The following UBE2G2 variants were observed in gnomAD, a reference collection of about 807,000 sequenced individuals.
UBE2G2 encodes the protein ubiquitin conjugating enzyme E2 G2, also known as ubiquitin-conjugating enzyme E2 G2.
A neutral mutation model predicts 23.0 loss-of-function variants in UBE2G2; 10 were observed. That is an observed-to-expected ratio of 0.43 (90% CI 0.27 to 0.74). UBE2G2 has a LOEUF of 0.74. Among genes scored for constraint, UBE2G2 ranks in the 30% least tolerant of loss-of-function variants. The probability of loss-of-function intolerance (pLI) is 0.19; values close to 1 mark genes in which losing one functional copy is unlikely to be tolerated. For missense variants in UBE2G2, 150 were observed against 218.3 expected, an observed-to-expected ratio of 0.69 and a Z score of 1.97; for synonymous variants, 86 against 81.3, an observed-to-expected ratio of 1.06 and a Z score of -0.31.
Position 44,777,359 on chromosome 21 carries a change from G to C in UBE2G2, c.184C>G (p.Leu62Val). 1.2e-6 allele frequency: 2 copies of C among 1,614,084 alleles called. No individual in the cohort carries two copies. The highest frequency in any genetic ancestry group is 1.7e-6 in the Non-Finnish European group (2 of 1,180,028). ...GVFPAILSFP[L>V]DYPLSPPKMR... ...TTTGGGGGACTTAACGGGTAATCAA[G>C]TGGGAAACTCAGGATGGCAGGAAAA... is the stretch of plus-strand genomic sequence containing the variant. Residue 62 changes from leucine (L) to valine (V), a missense_variant, in exon 4 of 6, where the codon CTT (leucine) becomes GTT (valine). Coordinates refer to ENST00000345496, the MANE Select transcript of UBE2G2 (RefSeq NM_003343.6).
chr21:44,784,918 C>A (rs541116779), intron 3 of UBE2G2, among the ~76,000 whole-genome samples: 28 of 152,162 alleles, frequency 1.8e-4, no homozygotes, highest in African/African-American at 6.8e-4. Context: ...GGACAGCAAG[C>A]GCCAAGGGAC....
At chr21:44,789,829 T>C (rs2083029767) in intron 1 of UBE2G2, among the ~76,000 whole-genome samples, 1 of 151,964 alleles carries the variant, frequency 6.6e-6, no homozygotes, top group Non-Finnish European at 1.5e-5. Flanking sequence ...TGGGAGGAGA[T>C]TAGGTCAGGA....
chr21:44,771,392 C>T lies in UBE2G2; in HGVS notation c.483G>A (p.Lys161=). The change falls in exon 6 of 6, where the codon AAG becomes AAA. Residue 161 remains lysine, a synonymous_variant. Transcript: ENST00000345496. The surrounding 1 kb of genome is among the most constrained non-coding windows in gnomAD (Gnocchi z 4.6). ...FYKIAKQIVQ[K]SLGL is the part of the protein sequence containing the mutation. ...AGGCCAGGTCTCACAGTCCCAGAGA[C>T]TTCTGGACGATCTGCTTGGCAATCT... The T allele has an allele frequency of 1.9e-6, 3 of 1,612,966 alleles. No individual in the cohort carries two copies. Among genetic ancestry groups the T allele is most frequent in the Non-Finnish European group, 2.5e-6 (3 of 1,180,026 alleles).
At chr21:44,797,274 G>A (rs1238533063) in intron 1 of UBE2G2, among the ~76,000 whole-genome samples, 2 of 152,226 alleles carry the variant, frequency 1.3e-5, no homozygotes, top group Non-Finnish European at 2.9e-5. Flanking sequence ...AATAACAGAT[G>A]AAGCTTCTGT....
intron 1 of UBE2G2, among the ~76,000 whole-genome samples, chr21:44,799,481 C>A (rs1362477155): frequency 1.3e-5 from 2 of 152,230 alleles, no homozygotes; most frequent in Non-Finnish European, 2.9e-5. Flanking sequence ...TTGTGCTTTT[C>A]TGTTATGGAG....
At position 44,771,240 on chromosome 21, in the gene UBE2G2, G is replaced by GA. The variant is rs552259450; in HGVS notation, c.*136dup. 47,113 of 539,358 alleles carry GA rather than the reference G, an allele frequency of 0.087. 54 individuals carry two copies. The highest frequency in any genetic ancestry group is 0.11 in the South Asian group (4,376 of 39,012). 33.4% of individuals were successfully genotyped at this position (539,358 alleles called of 1,614,324 possible). ...AGCCTGTTTGAAGTAGGAAAGGTTTGAAAAAAAAAAAAGATGCCATGGTTC... is the reference window on the plus strand; with the variant it reads ...AGCCTGTTTGAAGTAGGAAAGGTTTGAAAAAAAAAAAAAGATGCCATGGTTC... On this transcript the variant is annotated 3_prime_UTR_variant, in exon 6 of 6. Coordinates refer to ENST00000345496, the MANE Select transcript of UBE2G2 (RefSeq NM_003343.6). This position sits in a 1 kb window ranked among gnomAD's most constrained non-coding sequence, Gnocchi z 4.6.
At chr21:44,796,261 C>A (rs1414422519) in intron 1 of UBE2G2, among the ~76,000 whole-genome samples, 1 of 152,208 alleles carries the variant, frequency 6.6e-6, no homozygotes, top group African/African-American at 2.4e-5. Flanking sequence ...TAGGCAAAAT[C>A]ATCTTGTCTG....
intron 3 of UBE2G2, among the ~76,000 whole-genome samples, chr21:44,784,317 CAGGATGAA>C (rs1555961693): frequency 1.3e-5 from 2 of 152,124 alleles, no homozygotes; most frequent in Admixed American, 6.5e-5. Flanking sequence ...CTTTCCATGC[CAGGATGAA>C]AATTCCACCT....
intron 1 of UBE2G2, among the ~76,000 whole-genome samples, chr21:44,788,844 TCTTTGAAGAGA>T (rs782023685): frequency 6.6e-5 from 10 of 151,440 alleles, no homozygotes; most frequent in Non-Finnish European, 1.3e-4. Flanking sequence ...AAAAGGTGGT[TCTTTGAAGAGA>T]CAGAAAATTA....
At chr21:44,794,094 C>G (rs1555963318) in intron 1 of UBE2G2, among the ~76,000 whole-genome samples, 1 of 152,188 alleles carries the variant, frequency 6.6e-6, no homozygotes, top group African/African-American at 2.4e-5. Flanking sequence ...TTAATCCAAT[C>G]TGACTAATAT....
Position 44,788,491 on chromosome 21 carries a change from G to A in UBE2G2, c.44-396C>T, listed in dbSNP as rs566173484. 2.2e-4 allele frequency among the ~76,000 whole-genome samples: 34 copies of A among 151,882 alleles called. 1 individual carries two copies. In the South Asian group the frequency reaches 6.2e-3, roughly 28 times the overall value. ...TTTTTAGTAGAGACGGGGTTTCACC[G>A]TGTTAGCCAGGATGGTCTAGATCTC... is the stretch of plus-strand genomic sequence containing the variant. On this transcript the variant is annotated intron_variant, in intron 1 of 5. Transcript: ENST00000345496.
intron 5 of UBE2G2, among the ~76,000 whole-genome samples, chr21:44,773,129 C>T (rs1555960136): frequency 6.6e-6 from 1 of 152,172 alleles, no homozygotes; most frequent in Non-Finnish European, 1.5e-5. Flanking sequence ...GCCCGAGAGT[C>T]CCTGCATGTG....
chr21:44,777,948 G>A (rs1223212275), intron 3 of UBE2G2, among the ~76,000 whole-genome samples: 3 of 152,192 alleles, frequency 2.0e-5, no homozygotes, highest in Non-Finnish European at 4.4e-5. Flanking sequence ...TTAGGTACAA[G>A]TACAAAGACT....
chr21:44,793,827 G>A (rs1267658288), intron 1 of UBE2G2, among the ~76,000 whole-genome samples: 3 of 152,154 alleles, frequency 2.0e-5, no homozygotes, highest in East Asian at 1.9e-4. Flanking sequence ...GATAAAAAAT[G>A]TATACACAGG....
chr21:44,773,744 C>A (rs905651912), intron 4 of UBE2G2, 57 bp from the exon 5 acceptor site: 2 of 1,585,304 alleles, frequency 1.3e-6, no homozygotes, highest in Non-Finnish European at 1.7e-6. Flanking sequence ...GGCATCGCCG[C>A]GCTTGGGCAG....
At chr21:44,782,547 A>G (rs2146392185) in intron 3 of UBE2G2, among the ~76,000 whole-genome samples, 1 of 152,376 alleles carries the variant, frequency 6.6e-6, no homozygotes, top group Admixed American at 6.5e-5. Flanking sequence ...ACTTACCATG[A>G]AGCTCCAGTA....
chr21:44,780,899 G>T (rs1555961254), intron 3 of UBE2G2, among the ~76,000 whole-genome samples: 1 of 152,190 alleles, frequency 6.6e-6, no homozygotes, highest in Non-Finnish European at 1.5e-5. Flanking sequence ...TTACTTTCTA[G>T]ATAAGAGAAG....
rs1349013092 is a variant in UBE2G2 at position 44,771,824 on chromosome 21, C to T, written c.386-335G>A. On this transcript the variant is annotated intron_variant, in intron 5 of 5. Transcript: ENST00000345496. The surrounding 1 kb of genome is among the most constrained non-coding windows in gnomAD (Gnocchi z 4.6). ...CCTGGGCCACTGCACTTCTGGCACC[C>T]GGACAAGCTACACGGGGACCACCTG... Among the ~76,000 whole-genome samples the T allele has an allele frequency of 2.0e-5, 3 of 152,180 alleles. No homozygotes were observed. The highest frequency in any genetic ancestry group is 7.2e-5 in the African/African-American group (3 of 41,438).
chr21:44,801,796 G>C lies in UBE2G2; in HGVS notation c.-48C>G, dbSNP rs1444248974. On this transcript the variant is annotated 5_prime_UTR_variant, in exon 1 of 6. Coordinates refer to ENST00000345496, the MANE Select transcript of UBE2G2 (RefSeq NM_003343.6). ...GCGACCTCGCCTCAGCCGCGCGCGT[G>C]CCTCCTGCCCCGACACCGGGGACTG... 5 of 1,501,090 alleles carry C rather than the reference G, an allele frequency of 3.3e-6. No homozygotes were observed. Among genetic ancestry groups the C allele is most frequent in the Middle Eastern group, 1.9e-4 (1 of 5,404 alleles). 93.0% of individuals were successfully genotyped at this position (1,501,090 alleles called of 1,614,324 possible). A position where few individuals can be genotyped will look rare whatever the true frequency, so the allele number is the denominator to read the frequency against.
Sources: gnomAD v4.1 joint callset for allele counts (sites outside exome capture counted in the v4.1 genomes callset) on GRCh38, gnomAD v4.1.1 for gene constraint, Gnocchi (gnomAD v3.1) non-coding constraint, MANE v1.5 for transcripts, NCBI Gene and HGNC (gene_info 2026-07-23, HGNC 2026-07-21) for gene names.